GTF2IRD1: variants seen among roughly 807,000 people sequenced by gnomAD.
The protein encoded by GTF2IRD1 is general transcription factor II-I repeat domain-containing protein 1.
GTF2IRD1 carries 26 observed loss-of-function variants against 113.2 expected under a neutral mutation model. That is an observed-to-expected ratio of 0.23 (90% CI 0.17 to 0.32). The LOEUF (loss-of-function observed/expected upper bound fraction) is 0.32, where lower values mean the gene tolerates loss of function less well. Ranked by LOEUF, GTF2IRD1 falls within the 10% of genes least tolerant of loss-of-function variation. The pLI, the probability that GTF2IRD1 is intolerant of heterozygous loss-of-function variation, is 1.00. For synonymous variants in GTF2IRD1, 484 were observed against 529.1 expected (o/e 0.91, Z 1.17); for missense variants, 864 against 1,280.8 (o/e 0.67, Z 4.97).
chr7:74,499,185 C>G (rs879982358), intron 1 of GTF2IRD1, among the ~76,000 whole-genome samples: 1 of 152,214 alleles, frequency 6.6e-6, no homozygotes, highest in Admixed American at 6.6e-5. Context: ...CCTCCCACTC[C>G]CAGCCTTGCC....
At chr7:74,489,711 T>G (rs1795225101) in intron 1 of GTF2IRD1, among the ~76,000 whole-genome samples, 1 of 152,080 alleles carries the variant, frequency 6.6e-6, no homozygotes, top group South Asian at 2.1e-4. Flanking sequence ...GTGGCCAGAA[T>G]TGGGTTCTGG....
chr7:74,597,197 C>A (rs1352330795), intron 25 of GTF2IRD1, among the ~76,000 whole-genome samples: 5 of 151,784 alleles, frequency 3.3e-5, no homozygotes, highest in African/African-American at 9.7e-5. Context: ...CGCCTGCCAC[C>A]ACGCCCAGCT....
At chr7:74,472,991 G>A (rs1554332766) in intron 1 of GTF2IRD1, among the ~76,000 whole-genome samples, 2 of 152,208 alleles carry the variant, frequency 1.3e-5, no homozygotes, top group South Asian at 2.1e-4. Context: ...ACACCGCAGC[G>A]GAGGAGAGGA....
chr7:74,472,172 C>T (rs530800499), intron 1 of GTF2IRD1, among the ~76,000 whole-genome samples: 86 of 152,362 alleles, frequency 5.6e-4, no homozygotes, highest in Non-Finnish European at 1.0e-3. Flanking sequence ...GCCACCATCC[C>T]TTCTACCAAT....
At chr7:74,564,657 G>A (rs1800182510) in intron 22 of GTF2IRD1, among the ~76,000 whole-genome samples, 1 of 152,332 alleles carries the variant, frequency 6.6e-6, no homozygotes, top group Admixed American at 6.5e-5. Context: ...TCGGGAGGCT[G>A]AGGCGGGAGG....
chr7:74,478,860 C>A (rs1001330025), intron 1 of GTF2IRD1, among the ~76,000 whole-genome samples: 1 of 151,996 alleles, frequency 6.6e-6, no homozygotes, highest in Non-Finnish European at 1.5e-5. Context: ...ACCCTCCCAC[C>A]CCAGCCTCTG....
At chr7:74,595,322 C>T (rs1344532622) in intron 25 of GTF2IRD1, among the ~76,000 whole-genome samples, 13 of 151,186 alleles carry the variant, frequency 8.6e-5, no homozygotes, top group Admixed American at 2.7e-4. Flanking sequence ...AGGAGAATTG[C>T]GTGAACCCGG....
At chr7:74,560,813 T>C (rs1799910464) in intron 22 of GTF2IRD1, among the ~76,000 whole-genome samples, 1 of 151,860 alleles carries the variant, frequency 6.6e-6, no homozygotes, top group Non-Finnish European at 1.5e-5. Context: ...ACTCCTGGCC[T>C]CAAGTGATCC....
intron 1 of GTF2IRD1, among the ~76,000 whole-genome samples, chr7:74,490,572 G>A (rs1795285194): frequency 6.6e-6 from 1 of 151,688 alleles, no homozygotes; most frequent in Non-Finnish European, 1.5e-5. Flanking sequence ...TCCAGAAGGG[G>A]AGAAATTTCT....
chr7:74,567,461 C>T (rs1554361026), intron 22 of GTF2IRD1, among the ~76,000 whole-genome samples: 2 of 152,128 alleles, frequency 1.3e-5, no homozygotes, highest in African/African-American at 4.8e-5. Flanking sequence ...TGAGAGTAGA[C>T]GGAGGTGCTA....
intron 4 of GTF2IRD1, among the ~76,000 whole-genome samples, chr7:74,517,317 G>A (rs1009690091): frequency 4.7e-5 from 7 of 149,366 alleles, no homozygotes; most frequent in African/African-American, 1.2e-4. Flanking sequence ...GAGCCACCAC[G>A]CCCAGCCTCT....
chr7:74,487,541 T>C (rs1554335794), intron 1 of GTF2IRD1: 2 of 152,188 alleles, frequency 1.3e-5, no homozygotes, highest in Non-Finnish European at 2.9e-5. Context: ...GGCCGTAGAC[T>C]GTTTTTGCAA....
intron 22 of GTF2IRD1, among the ~76,000 whole-genome samples, chr7:74,565,362 T>C (rs1319165559): frequency 6.6e-6 from 1 of 151,192 alleles, no homozygotes; most frequent in Non-Finnish European, 1.5e-5. Flanking sequence ...CCAACTCTAC[T>C]AAAAATACAA....
intron 22 of GTF2IRD1, among the ~76,000 whole-genome samples, chr7:74,561,375 G>T (rs1272143135): frequency 6.6e-6 from 1 of 151,268 alleles, no homozygotes; most frequent in Non-Finnish European, 1.5e-5. Context: ...AGAACTTAGG[G>T]TACAGTGATG....
At chr7:74,591,710 A>G (rs1802075310) in intron 24 of GTF2IRD1, among the ~76,000 whole-genome samples, 1 of 151,972 alleles carries the variant, frequency 6.6e-6, no homozygotes, top group African/African-American at 2.4e-5. Flanking sequence ...GTATATCCTT[A>G]CAATCTTTTG....
At chr7:74,548,620 A>T (rs1474173305) in intron 17 of GTF2IRD1, among the ~76,000 whole-genome samples, 13 of 151,458 alleles carry the variant, frequency 8.6e-5, no homozygotes, top group African/African-American at 1.9e-4. Context: ...TTTTTTTTTT[A>T]AACTCTGGTG....
At chr7:74,589,810 G>C (rs373302824) in intron 22 of GTF2IRD1, 41 bp from the exon 23 acceptor site, 2 of 1,291,200 alleles carry the variant, frequency 1.5e-6, no homozygotes, top group Non-Finnish European at 2.3e-6. Flanking sequence ...CAGTGGCTAA[G>C]CTGGTGCCAA....
chr7:74,560,280 G>T (rs1583887802), intron 22 of GTF2IRD1, among the ~76,000 whole-genome samples: 1 of 151,964 alleles, frequency 6.6e-6, no homozygotes, highest in African/African-American at 2.4e-5. Context: ...CTGATAAAGG[G>T]GCTCTGGTTG....
At chr7:74,602,326 C>G in intron 26 of GTF2IRD1, 39 bp from the exon 27 acceptor site, 1 of 1,603,532 alleles carries the variant, frequency 6.2e-7, no homozygotes, top group Non-Finnish European at 8.5e-7. Flanking sequence ...TTCCGCATCA[C>G]CTGGAGTCCT....
Sources: allele counts gnomAD v4.1 joint callset (sites outside exome capture counted in the v4.1 genomes callset), GRCh38; gene constraint gnomAD v4.1.1; transcripts MANE v1.5; gene names NCBI Gene and HGNC (gene_info 2026-07-23, HGNC 2026-07-21).